The following CCDC170 variants were observed in gnomAD, a reference collection of about 807,000 sequenced individuals.
CCDC170 encodes coiled-coil domain-containing protein 170.
A neutral mutation model predicts 72.6 loss-of-function variants in CCDC170; 69 were observed. That is an observed-to-expected ratio of 0.95 (90% CI 0.78 to 1.16). The LOEUF (loss-of-function observed/expected upper bound fraction) is 1.16, where lower values mean the gene tolerates loss of function less well. Ranked by LOEUF, CCDC170 falls within the 50% of genes most tolerant of loss-of-function variation. The pLI is 0.00. For missense variants in CCDC170, 852 were observed against 832.5 expected (o/e 1.02, Z -0.29); for synonymous variants, 300 against 303.9 (o/e 0.99, Z 0.13).
chr6:151,615,635 A>G lies in CCDC170; in HGVS notation c.1903A>G (p.Thr635Ala). ...MIEVVTSEMKTLKKSLEEAEK... is the reference protein window; with the variant it reads ...MIEVVTSEMKALKKSLEEAEK... The stretch of plus-strand genomic sequence containing the variant: ...AGAAGTGGTAACCAGTGAAATGAAG[A>G]CACTAAAAAAATCTCTGGAAGAAGC... Residue 635 changes from threonine to alanine, a missense_variant, in exon 10 of 11, where the codon ACA becomes GCA. Coordinates refer to ENST00000239374, the MANE Select transcript of CCDC170 (RefSeq NM_025059.4). 6.2e-7 allele frequency: 1 copy of G among 1,614,112 alleles called. No individual in the cohort carries two copies. Among genetic ancestry groups the G allele is most frequent in the South Asian group, 1.1e-5 (1 of 91,078 alleles).
At position 151,521,700 on chromosome 6, in the gene CCDC170, C is replaced by T. The variant is rs116673590; in HGVS notation, c.58-14618C>T. On this transcript the variant is annotated intron_variant, in intron 1 of 10. Coordinates refer to ENST00000239374, the MANE Select transcript of CCDC170 (RefSeq NM_025059.4). ...GCATTCTTAGTTTAAGCGTAAGTTTCGGGCCAGGCGTGGTGGCTCACGCCA... is the reference window on the plus strand; with the variant it reads ...GCATTCTTAGTTTAAGCGTAAGTTTTGGGCCAGGCGTGGTGGCTCACGCCA... 3.7e-3 allele frequency among the ~76,000 whole-genome samples: 563 copies of T among 152,188 alleles called. 3 individuals carry two copies. Among genetic ancestry groups the T allele is most frequent in the African/African-American group, 0.013 (545 of 41,524 alleles).
At chr6:151,507,563 C>T (rs1357837917) in intron 1 of CCDC170, among the ~76,000 whole-genome samples, 1 of 152,062 alleles carries the variant, frequency 6.6e-6, no homozygotes, top group Admixed American at 6.6e-5. Flanking sequence ...GTATAGGGCC[C>T]ACAAAAGTTA....
At chr6:151,614,882 C>G (rs1776933330) in intron 9 of CCDC170, among the ~76,000 whole-genome samples, 1 of 152,114 alleles carries the variant, frequency 6.6e-6, no homozygotes, top group South Asian at 2.1e-4. Context: ...GAGGAAGACA[C>G]CACTCCTCCC....
intron 7 of CCDC170, among the ~76,000 whole-genome samples, chr6:151,590,758 G>A (rs1043028811): frequency 1.1e-4 from 17 of 152,130 alleles, no homozygotes; most frequent in Admixed American, 1.3e-4. Context: ...GCTTGCTCTT[G>A]TCTTAATCCC....
intron 6 of CCDC170, among the ~76,000 whole-genome samples, chr6:151,576,002 G>A (rs758700716): frequency 5.3e-5 from 8 of 152,136 alleles, no homozygotes; most frequent in Non-Finnish European, 1.0e-4. Context: ...GCTTCATTAA[G>A]TCATTTCCTT....
intron 1 of CCDC170, among the ~76,000 whole-genome samples, chr6:151,530,204 G>A (rs11155795): frequency 0.47 from 71,153 of 151,606 alleles, 18,836 homozygotes; most frequent in Non-Finnish European, 0.6. Flanking sequence ...TTGCTAAAGA[G>A]TACCTTTCTG....
intron 6 of CCDC170, among the ~76,000 whole-genome samples, chr6:151,584,185 C>T (rs1031461318): frequency 1.3e-5 from 2 of 152,188 alleles, no homozygotes; most frequent in East Asian, 1.9e-4. Flanking sequence ...AAAGTAAGTG[C>T]AATAAAGTGA....
At chr6:151,544,328 C>G (rs1467810007) in intron 3 of CCDC170, among the ~76,000 whole-genome samples, 2 of 152,164 alleles carry the variant, frequency 1.3e-5, no homozygotes, top group Non-Finnish European at 2.9e-5. Context: ...ACTAAGTCCA[C>G]AATGCCTTGA....
chr6:151,524,828 T>C (rs1334891197), intron 1 of CCDC170, among the ~76,000 whole-genome samples: 1 of 152,178 alleles, frequency 6.6e-6, no homozygotes, highest in African/African-American at 2.4e-5. Flanking sequence ...ATAAATGGTG[T>C]CATACTGTTA....
At chr6:151,503,440 GTTTATT>G (rs777835058) in intron 1 of CCDC170, among the ~76,000 whole-genome samples, 5 of 151,822 alleles carry the variant, frequency 3.3e-5, no homozygotes, top group Non-Finnish European at 5.9e-5. Context: ...AGCTTGATGT[GTTTATT>G]TTTATTTTTA....
intron 1 of CCDC170, among the ~76,000 whole-genome samples, chr6:151,524,340 C>T (rs190220476): frequency 6.6e-6 from 1 of 152,312 alleles, no homozygotes; most frequent in East Asian, 1.9e-4. Flanking sequence ...CCTTTCTCCT[C>T]TCTCAGCTGG....
At chr6:151,570,661 A>G (rs1384824239) in intron 5 of CCDC170, among the ~76,000 whole-genome samples, 4 of 152,234 alleles carry the variant, frequency 2.6e-5, no homozygotes, top group East Asian at 1.9e-4. Context: ...CCCCAAGGAT[A>G]CCAAGGAACG....
At chr6:151,538,898 A>C (rs575398586) in intron 3 of CCDC170, among the ~76,000 whole-genome samples, 4 of 152,292 alleles carry the variant, frequency 2.6e-5, no homozygotes, top group African/African-American at 9.6e-5. Context: ...TTTCATCTTA[A>C]AAAAATAACC....
chr6:151,517,361 T>C (rs1212749916), intron 1 of CCDC170, among the ~76,000 whole-genome samples: 2 of 152,102 alleles, frequency 1.3e-5, no homozygotes, highest in South Asian at 4.1e-4. Context: ...GAAAATTATT[T>C]TGGGGCTGCT....
intron 6 of CCDC170, 87 bp from the exon 7 acceptor site, chr6:151,585,802 G>T: frequency 8.1e-7 from 1 of 1,228,802 alleles, no homozygotes; most frequent in East Asian, 2.5e-5. Flanking sequence ...ATCATAAACA[G>T]TTATGCTGCT....
chr6:151,613,529 A>G (rs1776908871), intron 9 of CCDC170, among the ~76,000 whole-genome samples: 1 of 152,158 alleles, frequency 6.6e-6, no homozygotes, highest in Non-Finnish European at 1.5e-5. Context: ...GTTGCTCCCC[A>G]TTCTGTCCTC....
At chr6:151,529,789 T>A (rs1459503269) in intron 1 of CCDC170, among the ~76,000 whole-genome samples, 1 of 152,234 alleles carries the variant, frequency 6.6e-6, no homozygotes, top group Non-Finnish European at 1.5e-5. Context: ...TTTCTGTTGC[T>A]ATAACAGAAT....
intron 1 of CCDC170, among the ~76,000 whole-genome samples, chr6:151,521,457 C>G (rs1365668912): frequency 6.6e-6 from 1 of 152,154 alleles, no homozygotes; most frequent in South Asian, 2.1e-4. Flanking sequence ...GTATCAGAGG[C>G]GTTCAAATCA....
chr6:151,505,933 CA>C (rs1485990441), intron 1 of CCDC170, among the ~76,000 whole-genome samples: 1 of 151,890 alleles, frequency 6.6e-6, no homozygotes, highest in African/African-American at 2.4e-5. Context: ...CCCATCTCTA[CA>C]AAAAAATTAA....
Sources: allele counts gnomAD v4.1 joint callset (sites outside exome capture counted in the v4.1 genomes callset), GRCh38; gene constraint gnomAD v4.1.1; transcripts MANE v1.5; gene names NCBI Gene and HGNC (gene_info 2026-07-23, HGNC 2026-07-21).